Variants in OGFOD1 observed in about 807,000 individuals in gnomAD.
The protein encoded by OGFOD1 is prolyl 3-hydroxylase OGFOD1.
In OGFOD1, 54 loss-of-function variants were observed where a neutral mutation model predicts 67.7. The observed-to-expected ratio is 0.80, with a 90% CI of 0.64 to 1.00. OGFOD1 has a LOEUF of 1.00. OGFOD1 is among the 50% of genes least tolerant of loss of function. The pLI is 0.00. For missense variants in OGFOD1, 606 were observed against 646.7 expected, an observed-to-expected ratio of 0.94 and a Z score of 0.68; for synonymous variants, 221 against 227.0, an observed-to-expected ratio of 0.97 and a Z score of 0.24.
chr16:56,474,317 CTTT>C (rs770427579), intron 10 of OGFOD1, among the ~76,000 whole-genome samples: 2 of 130,068 alleles, frequency 1.5e-5, no homozygotes, highest in East Asian at 2.2e-4. Context: ...CAAAATTCAA[CTTT>C]TTTTTTTTTT....
chr16:56,468,008 A>T lies in OGFOD1; in HGVS notation c.890A>T (p.Glu297Val). The T allele has an allele frequency of 6.5e-7, 1 of 1,540,268 alleles. No individual in the cohort carries two copies. Among genetic ancestry groups the T allele is most frequent in the Non-Finnish European group, 9.0e-7 (1 of 1,112,864 alleles). Reference sequence around the variant, plus strand: ...GAAAGTTCTGAAATTCTCCTGAAGGAGTTTCTTAAGGTAAGCTTAGCGTAT... The same window carrying T: ...GAAAGTTCTGAAATTCTCCTGAAGGTGTTTCTTAAGGTAAGCTTAGCGTAT... ...FEESSEILLK[E>V]FLKPEKFTKV... Residue 297 changes from glutamate to valine, a missense_variant, in exon 8 of 13, where the codon GAG becomes GTG. By Grantham distance (121) the Glu-to-Val change is moderately radical. Coordinates refer to ENST00000566157, the MANE Select transcript of OGFOD1 (RefSeq NM_018233.4).
At position 56,470,600 on chromosome 16, in the gene OGFOD1, T is replaced by C; in HGVS notation, c.1094T>C (p.Leu365Pro). ...LLLSNFTGLKLHFLAPSEEDE... is the reference protein window; with the variant it reads ...LLLSNFTGLKPHFLAPSEEDE... Reference sequence around the variant, plus strand: ...CTCTCCAACTTCACAGGCCTGAAGCTTCATTTCTTGGCCCCTTCGGAAGAA... The same window carrying C: ...CTCTCCAACTTCACAGGCCTGAAGCCTCATTTCTTGGCCCCTTCGGAAGAA... The change falls in exon 10 of 13, where the codon CTT becomes CCT. Residue 365 changes from leucine to proline, a missense_variant. Transcript: ENST00000566157. 6.2e-7 allele frequency: 1 copy of C among 1,614,216 alleles called. No homozygotes were observed. The highest frequency in any genetic ancestry group is 1.3e-5 in the African/African-American group (1 of 75,054).
In OGFOD1 at chr16:56,470,657, C is replaced by A; in HGVS notation, c.1151C>A (p.Thr384Asn). ...DEMNDKKEAE[T>N]TDITEEGTSH... ...ATGAATGATAAAAAAGAGGCAGAAA[C>A]CACTGATATCACTGAAGAAGGGACT... Residue 384 changes from threonine (T) to asparagine (N), a missense_variant, in exon 10 of 13, where the codon ACC becomes AAC. Coordinates refer to ENST00000566157, the MANE Select transcript of OGFOD1 (RefSeq NM_018233.4). 1 of 1,614,142 alleles carries A rather than the reference C, an allele frequency of 6.2e-7. No homozygotes were observed. Among genetic ancestry groups the A allele is most frequent in the Non-Finnish European group, 8.5e-7 (1 of 1,180,034 alleles).
chr16:56,458,725 A>C, intron 3 of OGFOD1, 131 bp downstream of exon 3: 1 of 734,524 alleles, frequency 1.4e-6, no homozygotes, highest in South Asian at 1.7e-5. Flanking sequence ...AGAGGAGGAA[A>C]GAGACCGAGA....
At chr16:56,472,817 T>C (rs1274382836) in intron 10 of OGFOD1, among the ~76,000 whole-genome samples, 1 of 152,200 alleles carries the variant, frequency 6.6e-6, no homozygotes, top group African/African-American at 2.4e-5. Flanking sequence ...CCACTTAATA[T>C]TTCATAAACC....
intron 12 of OGFOD1, 76 bp downstream of exon 12, chr16:56,475,641 T>A (rs1963436062): frequency 8.2e-7 from 1 of 1,213,298 alleles, no homozygotes. Flanking sequence ...CCAATTTTTA[T>A]GACCTTCTAC....
chr16:56,470,732 A>G lies in OGFOD1; in HGVS notation c.1226A>G (p.Asn409Ser). Residue 409 changes from asparagine to serine, a missense_variant, in exon 10 of 13, where the codon AAC becomes AGC. Asn to Ser is a conservative substitution (Grantham distance 46). Coordinates refer to ENST00000566157, the MANE Select transcript of OGFOD1 (RefSeq NM_018233.4). ...PENNQMAISN[N>S]SQQSNEQTDP... The stretch of plus-strand genomic sequence containing the variant: ...AATAATCAGATGGCCATCAGCAACA[A>G]CAGCCAACAGAGCAATGAGCAGACA... 1 of 1,613,870 alleles carries G rather than the reference A, an allele frequency of 6.2e-7. No homozygotes were observed. The highest frequency in any genetic ancestry group is 1.7e-5 in the Admixed American group (1 of 59,918).
intron 4 of OGFOD1, 84 bp from the exon 5 acceptor site, chr16:56,466,068 C>A: frequency 1.1e-6 from 1 of 931,830 alleles, no homozygotes; most frequent in Non-Finnish European, 1.8e-6. Context: ...AGTTGAATGT[C>A]AAACGGACTG....
At chr16:56,471,953 CTGTTTGTTTGTT>C (rs35730390) in intron 10 of OGFOD1, among the ~76,000 whole-genome samples, 3 of 151,384 alleles carry the variant, frequency 2.0e-5, no homozygotes, top group East Asian at 1.9e-4. Context: ...TTATCCACTT[CTGTTTGTTTGTT>C]TGTTTGTTTG....
chr16:56,451,676 G>A lies in OGFOD1; in HGVS notation c.64G>A (p.Val22Met). The A allele has an allele frequency of 6.2e-7, 1 of 1,613,900 alleles. No homozygotes were observed. Among genetic ancestry groups the A allele is most frequent in the Non-Finnish European group, 8.5e-7 (1 of 1,179,822 alleles). Reference sequence around the variant, plus strand: ...GGTGGGAAAAAAGGGAAAGAAGGAGGTGATGGCGGAGTTTTCGGACGCTGT... The same window carrying A: ...GGTGGGAAAAAAGGGAAAGAAGGAGATGATGGCGGAGTTTTCGGACGCTGT... ...ARVGKKGKKE[V>M]MAEFSDAVTE... is the part of the protein sequence containing the mutation. Residue 22 changes from valine to methionine, a missense_variant, in exon 1 of 13, where the codon GTG becomes ATG. By Grantham distance (21) the Val-to-Met change is conservative. Transcript: ENST00000566157.
Position 56,470,017 on chromosome 16 carries a change from GA to G in OGFOD1, c.918del (p.Val307SerfsTer35), listed in dbSNP as rs773362997. On this transcript the variant is annotated frameshift_variant, in exon 9 of 13. Transcript: ENST00000566157. LOFTEE classifies it high-confidence loss of function. ...TCATTTTCTAGCCTGAGAAATTCAC[GA>G]AAGTCTGTGAGGCCTTGGAGCATGG... The part of the protein sequence containing the change: ...KEFLKPEKFT[K>X]VCEALEHGHV... The G allele has an allele frequency of 3.1e-6, 5 of 1,614,024 alleles. No homozygotes were observed. The Admixed American group carries it at 8.3e-5, about 27-fold the overall frequency.
chr16:56,457,586 A>G (rs1280513253), intron 2 of OGFOD1, among the ~76,000 whole-genome samples: 1 of 140,030 alleles, frequency 7.1e-6, no homozygotes, highest in African/African-American at 2.8e-5. Context: ...AATGTTCTCA[A>G]AAACTCCAAT....
chr16:56,475,487 G>C lies in OGFOD1; in HGVS notation c.1409-20G>C, dbSNP rs767725493. 6.2e-7 allele frequency: 1 copy of C among 1,612,642 alleles called. No individual in the cohort carries two copies. The highest frequency in any genetic ancestry group is 1.1e-5 in the South Asian group (1 of 91,038). On this transcript the variant is annotated intron_variant, in intron 11 of 12. Transcript: ENST00000566157. ...TTTCAATAGGAGCTTTCTGAATGCT[G>C]TTTGTTTTTCTCTTGTAAGGCTGGG...
Position 56,458,599 on chromosome 16 carries a change from A to C in OGFOD1, c.347+5A>C. 6.2e-7 allele frequency: 1 copy of C among 1,610,940 alleles called. No homozygotes were observed. The highest frequency in any genetic ancestry group is 1.3e-5 in the African/African-American group (1 of 75,002). ...GCCTCACATCTCCACTTTAAGGTAA[A>C]CAAGTAATCATATTTGTTGGGTGCT... On this transcript the variant is annotated splice_donor_5th_base_variant and intron_variant, in intron 3 of 12. Transcript: ENST00000566157.
At position 56,451,603 on chromosome 16, in the gene OGFOD1, T is replaced by G. The variant is rs1481275505; in HGVS notation, c.-10T>G. The stretch of plus-strand genomic sequence containing the variant: ...GATCTGCGTGGCGTGGTTCTGTGCC[T>G]TGGGAAGAGATGAATGGGAAGCGGC... On this transcript the variant is annotated 5_prime_UTR_variant, in exon 1 of 13. Coordinates refer to ENST00000566157, the MANE Select transcript of OGFOD1 (RefSeq NM_018233.4). The G allele has an allele frequency of 6.2e-7, 1 of 1,613,130 alleles. No individual in the cohort carries two copies. Among genetic ancestry groups the G allele is most frequent in the African/African-American group, 1.3e-5 (1 of 74,900 alleles).
At chr16:56,455,195 G>A (rs957399067) in intron 2 of OGFOD1, among the ~76,000 whole-genome samples, 6 of 152,038 alleles carry the variant, frequency 3.9e-5, no homozygotes, top group Admixed American at 1.3e-4. Context: ...GTGAAACCCC[G>A]TATCTACTAA....
intron 10 of OGFOD1, 55 bp from the exon 11 acceptor site, chr16:56,474,773 A>G (rs550550504): frequency 2.7e-6 from 4 of 1,464,696 alleles, no homozygotes; most frequent in East Asian, 4.6e-5. Flanking sequence ...CTTGCAATCC[A>G]ACAGTTCTAT....
intron 3 of OGFOD1, among the ~76,000 whole-genome samples, chr16:56,459,152 C>T (rs896380877): frequency 1.4e-4 from 21 of 152,084 alleles, no homozygotes; most frequent in African/African-American, 5.1e-4. Context: ...ACCAGCCTGA[C>T]CAACATGGAG....
chr16:56,469,161 C>T (rs1158487126), intron 8 of OGFOD1, among the ~76,000 whole-genome samples: 1 of 152,152 alleles, frequency 6.6e-6, no homozygotes, highest in African/African-American at 2.4e-5. Flanking sequence ...TGGGAAACTG[C>T]ATTAAACAAA....
Sources: gnomAD v4.1 joint callset for allele counts (sites outside exome capture counted in the v4.1 genomes callset) on GRCh38, gnomAD v4.1.1 for gene constraint, MANE v1.5 for transcripts, NCBI Gene and HGNC (gene_info 2026-07-23, HGNC 2026-07-21) for gene names.